The following GRIA4 variants were observed in gnomAD, a reference collection of about 807,000 sequenced individuals.
GRIA4 encodes the protein glutamate receptor 4.
GRIA4 carries 34 observed loss-of-function variants against 104.0 expected under a neutral mutation model. The ratio of observed to expected loss-of-function variants is 0.33; its 90% CI spans 0.25 to 0.44. The LOEUF is 0.44. GRIA4 is among the 20% of genes least tolerant of loss of function. The pLI, the probability that GRIA4 is intolerant of heterozygous loss-of-function variation, is 1.00. For synonymous variants in GRIA4, 386 were observed against 381.9 expected, an observed-to-expected ratio of 1.01 and a Z score of -0.13; for missense variants, 750 against 1,096.5, an observed-to-expected ratio of 0.68 and a Z score of 4.46.
At chr11:105,895,855 T>C (rs1343178396) in intron 6 of GRIA4, among the ~76,000 whole-genome samples, 2 of 152,194 alleles carry the variant, frequency 1.3e-5, no homozygotes, top group Non-Finnish European at 2.9e-5. Flanking sequence ...TCCATGACTT[T>C]ACTATTGTGA....
chr11:105,748,620 T>C (rs1939812079), intron 3 of GRIA4, among the ~76,000 whole-genome samples: 1 of 152,116 alleles, frequency 6.6e-6, no homozygotes, highest in African/African-American at 2.4e-5. Context: ...CCTGATCTCG[T>C]GATCCGCCCG....
At chr11:105,747,313 A>G (rs557876102) in intron 3 of GRIA4, among the ~76,000 whole-genome samples, 4 of 152,342 alleles carry the variant, frequency 2.6e-5, no homozygotes, top group Admixed American at 6.5e-5. Context: ...CAAAATTACA[A>G]AACAAATATG....
chr11:105,964,743 G>A (rs1948818347), intron 14 of GRIA4, among the ~76,000 whole-genome samples: 1 of 151,458 alleles, frequency 6.6e-6, no homozygotes, highest in Admixed American at 6.6e-5. Flanking sequence ...CTTGAAAGCA[G>A]GAAAGAAACC....
At chr11:105,828,783 G>A (rs1943866749) in intron 4 of GRIA4, among the ~76,000 whole-genome samples, 1 of 151,920 alleles carries the variant, frequency 6.6e-6, no homozygotes, top group South Asian at 2.1e-4. Context: ...ACTGGGAAAT[G>A]GGTTAACTGA....
At chr11:105,908,132 A>G (rs1289403153) in intron 9 of GRIA4, among the ~76,000 whole-genome samples, 1 of 152,156 alleles carries the variant, frequency 6.6e-6, no homozygotes, top group Admixed American at 6.5e-5. Flanking sequence ...TCTGTTCTCT[A>G]TGTTCTAGGC....
At chr11:105,614,190 A>C (rs1231349518) in intron 3 of GRIA4, 1 of 151,568 alleles carries the variant, frequency 6.6e-6, no homozygotes, top group African/African-American at 2.4e-5. Flanking sequence ...CATATTAATT[A>C]TTATTATTAA....
chr11:105,914,178 T>A (rs1947335716), intron 10 of GRIA4, among the ~76,000 whole-genome samples: 4 of 151,894 alleles, frequency 2.6e-5, no homozygotes, highest in Admixed American at 2.6e-4. Context: ...AGTTAGTTTT[T>A]AAATAATTTT....
At chr11:105,872,079 C>A (rs1233796377) in intron 5 of GRIA4, among the ~76,000 whole-genome samples, 1 of 152,048 alleles carries the variant, frequency 6.6e-6, no homozygotes, top group African/African-American at 2.4e-5. Context: ...GAACTGCATA[C>A]CCTAGCTATT....
intron 7 of GRIA4, among the ~76,000 whole-genome samples, chr11:105,903,502 C>A (rs1421651208): frequency 6.6e-6 from 1 of 152,150 alleles, no homozygotes; most frequent in Non-Finnish European, 1.5e-5. Flanking sequence ...GCTATTTGTA[C>A]TGGGACACAA....
intron 4 of GRIA4, among the ~76,000 whole-genome samples, chr11:105,808,862 C>T (rs552000063): frequency 4.6e-5 from 7 of 152,110 alleles, no homozygotes; most frequent in Admixed American, 2.6e-4. Flanking sequence ...CCTAACATGA[C>T]GGCAAGTGTA....
intron 4 of GRIA4, among the ~76,000 whole-genome samples, chr11:105,778,581 T>A (rs1941562455): frequency 6.6e-6 from 1 of 152,112 alleles, no homozygotes; most frequent in Non-Finnish European, 1.5e-5. Context: ...GGCGTGCACC[T>A]GTAATCCCAG....
At chr11:105,743,022 C>A (rs913311066) in intron 3 of GRIA4, among the ~76,000 whole-genome samples, 3 of 152,144 alleles carry the variant, frequency 2.0e-5, no homozygotes, top group African/African-American at 7.2e-5. Flanking sequence ...CCGGCATGAG[C>A]CCTCAGATTT....
chr11:105,641,438 A>G (rs943286814), intron 3 of GRIA4, among the ~76,000 whole-genome samples: 12 of 152,176 alleles, frequency 7.9e-5, no homozygotes, highest in African/African-American at 2.9e-4. Context: ...CTGCTTAATG[A>G]CTTAGCTAAG....
At chr11:105,617,303 C>T (rs564177928) in intron 3 of GRIA4, among the ~76,000 whole-genome samples, 17 of 151,268 alleles carry the variant, frequency 1.1e-4, no homozygotes, top group African/African-American at 3.6e-4. Flanking sequence ...TATTTAACCT[C>T]AAGCTAATCT....
At chr11:105,963,368 A>T (rs1948788344) in intron 14 of GRIA4, among the ~76,000 whole-genome samples, 1 of 152,132 alleles carries the variant, frequency 6.6e-6, no homozygotes, top group Non-Finnish European at 1.5e-5. Flanking sequence ...AGCCCTTTAG[A>T]CCTAAACTTA....
chr11:105,946,222 T>G (rs1270653606), intron 14 of GRIA4, among the ~76,000 whole-genome samples: 2 of 152,170 alleles, frequency 1.3e-5, no homozygotes, highest in Non-Finnish European at 2.9e-5. Context: ...CATTAGTATT[T>G]CCTGACTTTG....
At chr11:105,966,093 C>A in intron 14 of GRIA4, 2 of 1,449,546 alleles carry the variant, frequency 1.4e-6, no homozygotes, top group South Asian at 2.3e-5. Context: ...AGCGGGTAAA[C>A]AGTATGTAAA....
intron 3 of GRIA4, chr11:105,706,707 G>T (rs1212556261): frequency 1.3e-5 from 2 of 152,322 alleles, no homozygotes; most frequent in Non-Finnish European, 2.9e-5. Flanking sequence ...TTCAACTTAA[G>T]AAGCAGTCTG....
chr11:105,928,428 C>CT lies in GRIA4; in HGVS notation c.2046+1496dup, dbSNP rs143264098. Among the ~76,000 whole-genome samples, 198 of 152,022 alleles carry CT rather than the reference C, an allele frequency of 1.3e-3. 3 individuals are homozygous for CT. The East Asian group carries it at 0.038, about 29-fold the overall frequency. On this transcript the variant is annotated intron_variant, in intron 13 of 16. Coordinates refer to ENST00000282499, the MANE Select transcript of GRIA4 (RefSeq NM_000829.4). ...CTATGGATAAACTTGATTAAACAAA[C>CT]TTTTTTTAACTTACCTAGCACATCC...
Sources: gnomAD v4.1 joint callset for allele counts (sites outside exome capture counted in the v4.1 genomes callset) on GRCh38, gnomAD v4.1.1 for gene constraint, MANE v1.5 for transcripts, NCBI Gene and HGNC (gene_info 2026-07-23, HGNC 2026-07-21) for gene names.